ANKRD17: variants seen among roughly 807,000 people sequenced by gnomAD.
ANKRD17 encodes the protein ankyrin repeat domain 17.
A neutral mutation model predicts 229.7 loss-of-function variants in ANKRD17; 19 were observed. The observed-to-expected ratio is 0.08, with a 90% CI of 0.06 to 0.12. The LOEUF (loss-of-function observed/expected upper bound fraction) is 0.12. ANKRD17 is among the 10% of genes least tolerant of loss of function. ANKRD17 has a pLI of 1.00. For missense variants in ANKRD17, 2,176 were observed against 3,176.8 expected (o/e 0.68, Z 7.57); for synonymous variants, 1,112 against 1,146.1 (o/e 0.97, Z 0.60).
Position 73,077,066 on chromosome 4 carries a change from A to G in ANKRD17, c.7626T>C (p.Pro2542=), listed in dbSNP as rs1342457264. ...PFSVYGNAMI[P]PVAPIPDGAG... Reference sequence around the variant, plus strand: ...CACCATCAGGGATAGGTGCTACTGGAGGAATCATTGCATTCCCATACACAG... The same window carrying G: ...CACCATCAGGGATAGGTGCTACTGGGGGAATCATTGCATTCCCATACACAG... Residue 2542 remains proline, a synonymous_variant, in exon 33 of 34, where the codon CCT becomes CCC. Transcript: ENST00000358602. 1 of 1,611,072 alleles carries G rather than the reference A, an allele frequency of 6.2e-7. No homozygotes were observed. The highest frequency in any genetic ancestry group is 8.5e-7 in the Non-Finnish European group (1 of 1,178,968).
At position 73,073,499 on chromosome 4, in the gene ANKRD17, A is replaced by G. The variant is rs1302796958; in HGVS notation, c.*2732T>C. On this transcript the variant is annotated 3_prime_UTR_variant, in exon 34 of 34. Coordinates refer to ENST00000358602, the MANE Select transcript of ANKRD17 (RefSeq NM_032217.5). ...GTAATATAGGGTACAAAATTTTTACAAAATGTGTATTTAGGTTATTTGAGT... is the reference window on the plus strand; with the variant it reads ...GTAATATAGGGTACAAAATTTTTACGAAATGTGTATTTAGGTTATTTGAGT... 1 of 152,116 alleles carries G rather than the reference A, an allele frequency of 6.6e-6. No individual in the cohort carries two copies. Among genetic ancestry groups the G allele is most frequent in the Non-Finnish European group, 1.5e-5 (1 of 67,930 alleles). 9.4% of individuals were successfully genotyped at this position (152,116 alleles called of 1,614,324 possible).
intron 30 of ANKRD17, among the ~76,000 whole-genome samples, chr4:73,081,206 G>A (rs1721525064): frequency 6.6e-6 from 1 of 152,202 alleles, no homozygotes; most frequent in Non-Finnish European, 1.5e-5. Flanking sequence ...AAAGAATGGG[G>A]AATTAAAGGG....
At chr4:73,077,923 A>T (rs373140266) in intron 31 of ANKRD17, among the ~76,000 whole-genome samples, 1 of 152,210 alleles carries the variant, frequency 6.6e-6, no homozygotes, top group Admixed American at 6.5e-5. Context: ...AAATATTCAC[A>T]TAACAAAAAA....
chr4:73,184,895 T>G (rs971448567), intron 1 of ANKRD17, among the ~76,000 whole-genome samples: 3 of 152,288 alleles, frequency 2.0e-5, no homozygotes, highest in Non-Finnish European at 2.9e-5. Context: ...GTTCAGAATT[T>G]ATATTAAGTT....
intron 21 of ANKRD17, among the ~76,000 whole-genome samples, chr4:73,119,798 T>C (rs1179286277): frequency 6.6e-6 from 1 of 152,232 alleles, no homozygotes; most frequent in African/African-American, 2.4e-5. Context: ...CCTTAATTAC[T>C]GTGAAGAACA....
chr4:73,215,334 A>G (rs1410251153), intron 1 of ANKRD17, among the ~76,000 whole-genome samples: 1 of 151,506 alleles, frequency 6.6e-6, no homozygotes, highest in Non-Finnish European at 1.5e-5. Flanking sequence ...ATCTCGGCTC[A>G]CTGCAACCTC....
chr4:73,141,841 A>G lies in ANKRD17; in HGVS notation c.2232T>C (p.Ala744=), dbSNP rs773696404. The G allele has an allele frequency of 3.7e-6, 6 of 1,613,354 alleles. No homozygotes were observed. The highest frequency in any genetic ancestry group is 4.2e-6 in the Non-Finnish European group (5 of 1,179,564). Reference sequence around the variant, plus strand: ...GCAGTGCTTGAACTGGTACACGAGGAGCCTAAGACAAAGGACACTAAGTGA... The same window carrying G: ...GCAGTGCTTGAACTGGTACACGAGGGGCCTAAGACAAAGGACACTAAGTGA... The part of the protein sequence containing the change: ...LTPPSHDLNR[A]PRVPVQALPM... The change falls in exon 14 of 34, where the codon GCT becomes GCC. Residue 744 remains alanine (A), a splice_region_variant and synonymous_variant. Coordinates refer to ENST00000358602, the MANE Select transcript of ANKRD17 (RefSeq NM_032217.5).
At chr4:73,176,067 A>G (rs1200455626) in intron 2 of ANKRD17, among the ~76,000 whole-genome samples, 1 of 152,128 alleles carries the variant, frequency 6.6e-6, no homozygotes, top group Non-Finnish European at 1.5e-5. Flanking sequence ...GCTGACAATG[A>G]ATTGATAACC....
intron 1 of ANKRD17, among the ~76,000 whole-genome samples, chr4:73,252,621 T>C (rs982623133): frequency 6.6e-6 from 1 of 152,138 alleles, no homozygotes; most frequent in Non-Finnish European, 1.5e-5. Flanking sequence ...TTTTGTTTAA[T>C]ATCAGAGGAT....
At chr4:73,160,115 G>A (rs1021330899) in intron 3 of ANKRD17, among the ~76,000 whole-genome samples, 2 of 151,724 alleles carry the variant, frequency 1.3e-5, no homozygotes, top group South Asian at 2.1e-4. Context: ...TATTAGAGGA[G>A]GCAAAAAGAA....
intron 1 of ANKRD17, among the ~76,000 whole-genome samples, chr4:73,195,940 T>C (rs1374110564): frequency 6.6e-6 from 1 of 152,162 alleles, no homozygotes; most frequent in East Asian, 1.9e-4. Flanking sequence ...TTGTATGTTC[T>C]CTCCCTCTGT....
intron 3 of ANKRD17, among the ~76,000 whole-genome samples, chr4:73,156,408 C>T (rs1235777251): frequency 1.3e-5 from 2 of 152,116 alleles, no homozygotes; most frequent in African/African-American, 4.8e-5. Context: ...CACACCCAGC[C>T]AGAGTATTGG....
intron 18 of ANKRD17, among the ~76,000 whole-genome samples, chr4:73,122,743 C>A (rs1251102247): frequency 6.6e-6 from 1 of 152,046 alleles, no homozygotes; most frequent in Non-Finnish European, 1.5e-5. Context: ...TTAGATATCA[C>A]ATTCTTTCCA....
At chr4:73,248,949 T>A (rs1744744386) in intron 1 of ANKRD17, among the ~76,000 whole-genome samples, 1 of 151,850 alleles carries the variant, frequency 6.6e-6, no homozygotes, top group African/African-American at 2.4e-5. Context: ...AAAATAAACA[T>A]GGCACAGAGA....
chr4:73,105,859 T>C (rs980920667), intron 24 of ANKRD17, among the ~76,000 whole-genome samples: 9 of 152,080 alleles, frequency 5.9e-5, no homozygotes, highest in African/African-American at 1.9e-4. Flanking sequence ...CTGTAGGTAG[T>C]GGGTAGGAGT....
At chr4:73,096,979 C>T (rs1445909026) in intron 27 of ANKRD17, 138 bp downstream of exon 27, 2 of 983,544 alleles carry the variant, frequency 2.0e-6, no homozygotes, top group Admixed American at 2.9e-5. Context: ...CACAGGCTCT[C>T]TCTGTTGGTC....
chr4:73,092,886 G>C (rs1257394205), intron 28 of ANKRD17, among the ~76,000 whole-genome samples: 2 of 152,096 alleles, frequency 1.3e-5, no homozygotes, highest in African/African-American at 2.4e-5. Context: ...AAATGATGCA[G>C]GAATCCTGAT....
chr4:73,171,329 A>G (rs1358754355), intron 2 of ANKRD17, among the ~76,000 whole-genome samples: 3 of 152,198 alleles, frequency 2.0e-5, no homozygotes, highest in African/African-American at 7.2e-5. Flanking sequence ...TGGTACCTCT[A>G]TGAATCCATA....
At chr4:73,230,341 C>G (rs995041355) in intron 1 of ANKRD17, among the ~76,000 whole-genome samples, 1 of 151,682 alleles carries the variant, frequency 6.6e-6, no homozygotes, top group Non-Finnish European at 1.5e-5. Context: ...TTTGCTTAAA[C>G]ATTTTTCTCA....
Sources: allele counts gnomAD v4.1 joint callset (sites outside exome capture counted in the v4.1 genomes callset), GRCh38; gene constraint gnomAD v4.1.1; transcripts MANE v1.5; gene names NCBI Gene and HGNC (gene_info 2026-07-23, HGNC 2026-07-21).